The following DMXL2 variants were observed in gnomAD, a reference collection of about 807,000 sequenced individuals.
DMXL2 encodes Dmx like 2.
Under a neutral mutation model 331.1 loss-of-function variants are expected in DMXL2, and 103 were observed. That is an observed-to-expected ratio of 0.31 (90% CI 0.27 to 0.37). The LOEUF is 0.37. DMXL2 is among the 10% of genes least tolerant of loss of function. The pLI, the probability that DMXL2 is intolerant of heterozygous loss-of-function variation, is 1.00. For synonymous variants in DMXL2, 1,281 were observed against 1,252.1 expected, an observed-to-expected ratio of 1.02 and a Z score of -0.49; for missense variants, 3,171 against 3,642.9, an observed-to-expected ratio of 0.87 and a Z score of 3.33.
chr15:51,481,646 A>C (rs2042016491), intron 23 of DMXL2, 23 bp from the exon 24 acceptor site: 2 of 1,513,686 alleles, frequency 1.3e-6, no homozygotes, highest in Non-Finnish European at 1.8e-6. Flanking sequence ...AACAGATAAA[A>C]TCACAAAGCA....
intron 1 of DMXL2, among the ~76,000 whole-genome samples, chr15:51,621,570 C>G (rs1439250599): frequency 1.3e-5 from 2 of 152,148 alleles, no homozygotes; most frequent in Non-Finnish European, 2.9e-5. Flanking sequence ...TATGAGTAAA[C>G]GAAGCTCCAA....
At position 51,587,666 on chromosome 15, in the gene DMXL2, A is replaced by T. The variant is rs534427435; in HGVS notation, c.88-11485T>A. On this transcript the variant is annotated intron_variant, in intron 1 of 43. Coordinates refer to ENST00000560891, the MANE Select transcript of DMXL2 (RefSeq NM_001378457.1). ...GTCTTTATAGCAGCATGATTTATAA[A>T]CCTTTGGGTATATAGCCAGTAATGG... Among the ~76,000 whole-genome samples the T allele has an allele frequency of 5.8e-3, 885 of 152,124 alleles. 10 individuals are homozygous for T. The highest frequency in any genetic ancestry group is 0.02 in the African/African-American group (822 of 41,480).
chr15:51,599,661 C>T (rs2053088228), intron 1 of DMXL2, among the ~76,000 whole-genome samples: 2 of 152,256 alleles, frequency 1.3e-5, no homozygotes, highest in Admixed American at 6.5e-5. Context: ...ACACTAATGC[C>T]TCTAATGCAA....
intron 1 of DMXL2, among the ~76,000 whole-genome samples, chr15:51,600,824 C>T (rs1391173467): frequency 1.3e-5 from 2 of 152,096 alleles, no homozygotes; most frequent in African/African-American, 4.8e-5. Flanking sequence ...AGGACATCTA[C>T]CAAGATAAAA....
chr15:51,542,457 A>C lies in DMXL2; in HGVS notation c.981T>G (p.Val327=), dbSNP rs762778607. Residue 327 remains valine, a synonymous_variant, in exon 9 of 44, where the codon GTT becomes GTG. Coordinates refer to ENST00000560891, the MANE Select transcript of DMXL2 (RefSeq NM_001378457.1). ...NLRKGQRRSS[V]LVTHAELMPD... is the part of the protein sequence containing the mutation. Reference sequence around the variant, plus strand: ...GCATTAATTCAGCATGAGTTACAAGAACAGATGACCTCCTCTGTCCTTTCC... The same window carrying C: ...GCATTAATTCAGCATGAGTTACAAGCACAGATGACCTCCTCTGTCCTTTCC... 1.2e-6 allele frequency: 2 copies of C among 1,613,694 alleles called. No individual in the cohort carries two copies. The highest frequency in any genetic ancestry group is 1.7e-6 in the Non-Finnish European group (2 of 1,179,824).
chr15:51,500,315 A>T (rs1404167773), intron 17 of DMXL2, 84 bp from the exon 18 acceptor site: 9 of 1,347,530 alleles, frequency 6.7e-6, no homozygotes, highest in Non-Finnish European at 9.0e-6. Flanking sequence ...CTGGAATGTG[A>T]TCAATTTAAA....
chr15:51,493,331 A>C (rs1022238303), intron 19 of DMXL2, among the ~76,000 whole-genome samples: 15 of 152,162 alleles, frequency 9.9e-5, no homozygotes, highest in African/African-American at 3.6e-4. Context: ...CTATATCCTT[A>C]AATTAATTAA....
intron 28 of DMXL2, among the ~76,000 whole-genome samples, chr15:51,473,216 T>A (rs1163114814): frequency 6.6e-6 from 1 of 152,212 alleles, no homozygotes; most frequent in African/African-American, 2.4e-5. Context: ...CATTCCCTCA[T>A]CACCGTCTTT....
At chr15:51,570,959 C>A (rs895029847) in intron 2 of DMXL2, among the ~76,000 whole-genome samples, 1 of 152,042 alleles carries the variant, frequency 6.6e-6, no homozygotes, top group African/African-American at 2.4e-5. Context: ...TGTAAACAGG[C>A]TAAATGCCCC....
chr15:51,547,442 T>A (rs1179314518), intron 6 of DMXL2, 34 bp from the exon 7 acceptor site: 2 of 1,483,958 alleles, frequency 1.3e-6, no homozygotes, highest in East Asian at 4.7e-5. Context: ...AAAATTAATT[T>A]GTACATACAC....
chr15:51,507,348 G>A, intron 15 of DMXL2, 95 bp from the exon 16 acceptor site: 1 of 1,200,390 alleles, frequency 8.3e-7, no homozygotes, highest in Non-Finnish European at 1.1e-6. Flanking sequence ...TGATATGCAT[G>A]GAAGTTGGGA....
At position 51,500,051 on chromosome 15, in the gene DMXL2, C is replaced by T. The variant is rs1422902176; in HGVS notation, c.3173G>A (p.Gly1058Glu). ...GCTCACTGTACTGCTATTATCTTCTCCTTCATCATTCATCAAAGGCCATCT... is the reference window on the plus strand; with the variant it reads ...GCTCACTGTACTGCTATTATCTTCTTCTTCATCATTCATCAAAGGCCATCT... Reference protein sequence around the residue: ...WKRWPLMNDEGEDNSSTVSIV... With the variant: ...WKRWPLMNDEEEDNSSTVSIV... The change falls in exon 18 of 44, where the codon GGA (glycine) becomes GAA (glutamate). Residue 1058 changes from glycine to glutamate, a missense_variant. Transcript: ENST00000560891. 13 of 1,614,018 alleles carry T rather than the reference C, an allele frequency of 8.1e-6. No individual in the cohort carries two copies. In the East Asian group the frequency reaches 2.7e-4, roughly 33 times the overall value.
chr15:51,583,159 G>A (rs1374932918), intron 1 of DMXL2, among the ~76,000 whole-genome samples: 6 of 110,988 alleles, frequency 5.4e-5, no homozygotes. Context: ...AAGTTTTAGG[G>A]TACATGTGCA....
chr15:51,608,352 G>C (rs866566859), intron 1 of DMXL2, among the ~76,000 whole-genome samples: 1 of 152,166 alleles, frequency 6.6e-6, no homozygotes, highest in African/African-American at 2.4e-5. Context: ...AATCAACCTA[G>C]ATGCCCATCA....
At position 51,566,232 on chromosome 15, in the gene DMXL2, G is replaced by GGTGT. The variant is rs71127197; in HGVS notation, c.286-1070_286-1067dup. On this transcript the variant is annotated intron_variant, in intron 3 of 43. Transcript: ENST00000560891. ...ATATCTAAAAAAAATGTGTGTGTGG[G>GGTGT]GTGTGTGTGTGTGTGTGTGTGTGTG... Among the ~76,000 whole-genome samples the GGTGT allele has an allele frequency of 1.5e-3, 214 of 144,840 alleles. 1 individual carries two copies. Among genetic ancestry groups the GGTGT allele is most frequent in the African/African-American group, 3.1e-3 (120 of 38,770 alleles).
rs772674730 is a variant in DMXL2 at position 51,545,576 on chromosome 15, A to G, written c.930+7T>C. ...AAATTCATTTACCATTTTAAATAAT[A>G]TAATACCTCAAGAGCATGCTGTATT... On this transcript the variant is annotated splice_region_variant and intron_variant, in intron 8 of 43. Transcript: ENST00000560891. 3 of 1,607,604 alleles carry G rather than the reference A, an allele frequency of 1.9e-6. No homozygotes were observed. Among genetic ancestry groups the G allele is most frequent in the Non-Finnish European group, 2.5e-6 (3 of 1,176,942 alleles).
intron 6 of DMXL2, among the ~76,000 whole-genome samples, chr15:51,549,488 T>C (rs1004762568): frequency 1.3e-5 from 2 of 152,180 alleles, no homozygotes; most frequent in Admixed American, 1.3e-4. Flanking sequence ...CAGAAGTGGA[T>C]AGCTGGATCA....
At position 51,466,185 on chromosome 15, in the gene DMXL2, T is replaced by G; in HGVS notation, c.7519A>C (p.Ser2507Arg). The G allele has an allele frequency of 6.4e-7, 1 of 1,556,128 alleles. No individual in the cohort carries two copies. Among genetic ancestry groups the G allele is most frequent in the Non-Finnish European group, 8.6e-7 (1 of 1,161,444 alleles). Residue 2507 changes from serine (S) to arginine (R), a missense_variant and splice_region_variant, in exon 30 of 44, where the codon AGC becomes CGC. By Grantham distance (110) the Ser-to-Arg change is moderately radical (BLOSUM62 -1). Transcript: ENST00000560891. ...GAGAGAAAGAAAAGTCTTATTTACC[T>G]ATAGGAATTTGGATCTTGGTGCTCC... ...IQEHQDPNSY[S>R]WALLHLTMVK...
chr15:51,464,547 A>G, intron 32 of DMXL2, 128 bp downstream of exon 32: 1 of 689,836 alleles, frequency 1.4e-6, no homozygotes. Context: ...TCTTAAGCGT[A>G]TTCTGCTAAA....
Sources: gnomAD v4.1 joint callset for allele counts (sites outside exome capture counted in the v4.1 genomes callset) on GRCh38, gnomAD v4.1.1 for gene constraint, MANE v1.5 for transcripts, NCBI Gene and HGNC (gene_info 2026-07-23, HGNC 2026-07-21) for gene names.